The following EDDM13 variants were observed in gnomAD, a reference collection of about 807,000 sequenced individuals.
EDDM13 encodes epididymal protein 13.
EDDM13 carries 24 observed loss-of-function variants against 17.8 expected under a neutral mutation model. The observed-to-expected ratio is 1.35, with a 90% confidence interval of 0.98 to 1.90. The LOEUF is 1.90. Ranked by LOEUF, EDDM13 falls within the 40% of genes most tolerant of loss-of-function variation. The probability of loss-of-function intolerance (pLI) is 0.00; values close to 1 mark genes in which losing one functional copy is unlikely to be tolerated. For synonymous variants in EDDM13, 31 were observed against 37.5 expected, an observed-to-expected ratio of 0.83 and a Z score of 0.63; for missense variants, 97 against 100.8, an observed-to-expected ratio of 0.96 and a Z score of 0.16.
intron 14 of EDDM13, among the ~76,000 whole-genome samples, chr19:56,309,881 G>C (rs1406375249): frequency 6.6e-6 from 1 of 152,210 alleles, no homozygotes; most frequent in African/African-American, 2.4e-5. Flanking sequence ...ATGGGGCAGA[G>C]CTAGGGTCCA....
chr19:56,275,811 T>C (rs564116653), intron 1 of EDDM13, among the ~76,000 whole-genome samples: 18 of 152,322 alleles, frequency 1.2e-4, no homozygotes, highest in African/African-American at 3.4e-4. Context: ...TGAATCTGAT[T>C]TATCTGCGTC....
chr19:56,303,931 G>A (rs1012966697), intron 13 of EDDM13, among the ~76,000 whole-genome samples: 1 of 152,166 alleles, frequency 6.6e-6, no homozygotes, highest in African/African-American at 2.4e-5. Context: ...GGAACACACT[G>A]AGTACCTTCG....
intron 2 of EDDM13, 122 bp from the exon 3 acceptor site, chr19:56,281,571 T>G (rs2038710129): frequency 2.6e-6 from 1 of 377,546 alleles, no homozygotes; most frequent in Admixed American, 6.4e-5. Context: ...AAATGTTCCA[T>G]GAAGGAATAA....
chr19:56,298,267 G>A (rs532478280), intron 12 of EDDM13: 2 of 152,150 alleles, frequency 1.3e-5, no homozygotes, highest in South Asian at 4.1e-4. Flanking sequence ...GAAACTTTAT[G>A]CCAATAAAAT....
intron 9 of EDDM13, among the ~76,000 whole-genome samples, 22 bp downstream of exon 9, chr19:56,290,868 A>G (rs1222404274): frequency 1.3e-5 from 2 of 151,922 alleles, no homozygotes; most frequent in Non-Finnish European, 2.9e-5. Context: ...TTCCTTTCCT[A>G]TGGGTCACTT....
At chr19:56,277,120 G>A (rs1370589038) in intron 2 of EDDM13, among the ~76,000 whole-genome samples, 1 of 152,098 alleles carries the variant, frequency 6.6e-6, no homozygotes, top group East Asian at 1.9e-4. Context: ...CAGCTGCTTT[G>A]GAAAACAGTC....
intron 2 of EDDM13, among the ~76,000 whole-genome samples, chr19:56,277,279 A>G (rs977494849): frequency 1.3e-5 from 2 of 152,196 alleles, no homozygotes; most frequent in African/African-American, 4.8e-5. Context: ...AGTGAAGGTA[A>G]TCCTAGCATG....
intron 9 of EDDM13, among the ~76,000 whole-genome samples, chr19:56,292,451 G>GTTTTTACCTTTTTTTTTT (rs2039574916): frequency 2.8e-5 from 4 of 144,700 alleles, no homozygotes; most frequent in African/African-American, 1.0e-4. Context: ...TTTTTTGTCT[G>GTTTTTACCTTTTTTTTTT]TTTTTACTTT....
intron 2 of EDDM13, among the ~76,000 whole-genome samples, 98 bp downstream of exon 2, chr19:56,276,207 G>T (rs944005838): frequency 2.6e-5 from 4 of 152,192 alleles, no homozygotes; most frequent in African/African-American, 9.7e-5. Context: ...GGGGAAGGGT[G>T]GCACTTGGAT....
At chr19:56,302,610 TCCC>T (rs2040402250) in intron 13 of EDDM13, among the ~76,000 whole-genome samples, 3 of 90,264 alleles carry the variant, frequency 3.3e-5, no homozygotes, top group Non-Finnish European at 6.2e-5. Flanking sequence ...CTTCTTCCTC[TCCC>T]TCTTCCTCCC....
At chr19:56,293,409 G>A (rs944467323) in intron 9 of EDDM13, among the ~76,000 whole-genome samples, 2 of 152,086 alleles carry the variant, frequency 1.3e-5, no homozygotes, top group African/African-American at 4.8e-5. Context: ...TCAGACTAAC[G>A]AGGTCCCTGC....
intron 14 of EDDM13, among the ~76,000 whole-genome samples, chr19:56,306,231 C>T (rs138360334): frequency 2.2e-4 from 34 of 152,296 alleles, no homozygotes; most frequent in African/African-American, 7.5e-4. Context: ...AGAGAAAGTA[C>T]GAAAGACAGA....
chr19:56,273,639 G>A (rs1306753891), intron 1 of EDDM13, among the ~76,000 whole-genome samples: 1 of 152,138 alleles, frequency 6.6e-6, no homozygotes, highest in Non-Finnish European at 1.5e-5. Flanking sequence ...AGGTCCTGGG[G>A]CAGAAGGCAC....
At chr19:56,288,184 C>T (rs1043900891) in intron 6 of EDDM13, among the ~76,000 whole-genome samples, 1 of 152,190 alleles carries the variant, frequency 6.6e-6, no homozygotes, top group Non-Finnish European at 1.5e-5. Context: ...GTCTGCCTCA[C>T]TGAGCTCCAG....
At chr19:56,294,042 G>A (rs2039696829) in intron 9 of EDDM13, among the ~76,000 whole-genome samples, 1 of 152,184 alleles carries the variant, frequency 6.6e-6, no homozygotes, top group Non-Finnish European at 1.5e-5. Flanking sequence ...CTTTTCCCAG[G>A]CCCTTCTCCA....
intron 8 of EDDM13, among the ~76,000 whole-genome samples, 133 bp downstream of exon 8, chr19:56,289,024 G>A (rs2039333474): frequency 1.3e-5 from 2 of 152,196 alleles, no homozygotes; most frequent in South Asian, 2.1e-4. Flanking sequence ...CTGGCATCAG[G>A]AGCATCATCA....
At chr19:56,277,693 A>G (rs1427553640) in intron 2 of EDDM13, among the ~76,000 whole-genome samples, 2 of 152,130 alleles carry the variant, frequency 1.3e-5, no homozygotes, top group African/African-American at 4.8e-5. Context: ...TATCTCAGTA[A>G]AGCTATTATT....
intron 14 of EDDM13, among the ~76,000 whole-genome samples, chr19:56,308,486 G>C (rs1305689770): frequency 2.6e-5 from 4 of 151,826 alleles, no homozygotes; most frequent in Admixed American, 2.6e-4. Flanking sequence ...ACCACACCTG[G>C]CTAATTTTTG....
At chr19:56,302,187 T>C (rs919905061) in intron 13 of EDDM13, 92 bp downstream of exon 13, 54 of 943,114 alleles carry the variant, frequency 5.7e-5, no homozygotes, top group Admixed American at 8.6e-5. Context: ...GGAGGGTGCC[T>C]CAGAGGTGCC....
Sources: gnomAD v4.1 joint callset for allele counts (sites outside exome capture counted in the v4.1 genomes callset) on GRCh38, gnomAD v4.1.1 for gene constraint, MANE v1.5 for transcripts, NCBI Gene and HGNC (gene_info 2026-07-23, HGNC 2026-07-21) for gene names.